The following NCKAP1 variants were observed in gnomAD, a reference collection of about 807,000 sequenced individuals.
NCKAP1 encodes NCK associated protein 1, also known as nck-associated protein 1.
NCKAP1 carries 21 observed loss-of-function variants against 151.2 expected under a neutral mutation model. The observed-to-expected ratio is 0.14, with a 90% CI of 0.10 to 0.20. NCKAP1 has a LOEUF of 0.20. NCKAP1 is among the 10% of genes least tolerant of loss of function. The pLI, the probability that NCKAP1 is intolerant of heterozygous loss-of-function variation, is 1.00. For missense variants in NCKAP1, 933 were observed against 1,352.1 expected (o/e 0.69, Z 4.86); for synonymous variants, 484 against 451.8 (o/e 1.07, Z -0.90).
intron 24 of NCKAP1, among the ~76,000 whole-genome samples, chr2:182,941,758 C>T (rs1163480494): frequency 6.6e-6 from 1 of 152,060 alleles, no homozygotes; most frequent in Non-Finnish European, 1.5e-5. Flanking sequence ...GAAGCTAATC[C>T]TTTTAGTCTA....
intron 4 of NCKAP1, among the ~76,000 whole-genome samples, chr2:183,002,661 TA>T (rs1698396094): frequency 6.6e-6 from 1 of 151,730 alleles, no homozygotes; most frequent in African/African-American, 2.4e-5. Context: ...ATTATCATAC[TA>T]AGAAAGAGTC....
At chr2:183,005,704 T>C (rs1318399311) in intron 2 of NCKAP1, among the ~76,000 whole-genome samples, 2 of 152,124 alleles carry the variant, frequency 1.3e-5, no homozygotes, top group African/African-American at 4.8e-5. Flanking sequence ...CTCCACAATC[T>C]GGCCCTAACT....
rs1250050601 is a variant in NCKAP1 at position 182,916,807 on chromosome 2, G to A, written c.*8895C>T. On this transcript the variant is annotated 3_prime_UTR_variant, in exon 31 of 31. Transcript: ENST00000361354. ...AAAAATATAGTATAACATACATATA[G>A]TATAGAGCAGTCTTAAAATTAATTT... 1 of 152,146 alleles carries A rather than the reference G, an allele frequency of 6.6e-6. No individual in the cohort carries two copies. Among genetic ancestry groups the A allele is most frequent in the Non-Finnish European group, 1.5e-5 (1 of 68,022 alleles). 9.4% of individuals were successfully genotyped at this position (152,146 alleles called of 1,614,324 possible).
At chr2:182,990,795 T>C (rs760502064) in intron 8 of NCKAP1, among the ~76,000 whole-genome samples, 7 of 152,218 alleles carry the variant, frequency 4.6e-5, no homozygotes, top group Non-Finnish European at 8.8e-5. Context: ...TTTTGATTCT[T>C]AGCTCAAGCT....
At chr2:182,962,540 A>G (rs773602797) in intron 17 of NCKAP1, among the ~76,000 whole-genome samples, 1 of 152,128 alleles carries the variant, frequency 6.6e-6, no homozygotes, top group Non-Finnish European at 1.5e-5. Context: ...GCTTAACATG[A>G]AAAACTATGT....
chr2:183,004,596 T>C (rs1287317247), intron 2 of NCKAP1, among the ~76,000 whole-genome samples: 5 of 151,212 alleles, frequency 3.3e-5, no homozygotes, highest in African/African-American at 1.2e-4. Flanking sequence ...AAGAAGTAAT[T>C]CTATCTAGAA....
intron 8 of NCKAP1, among the ~76,000 whole-genome samples, chr2:182,993,349 C>T (rs1698204662): frequency 6.6e-6 from 1 of 152,090 alleles, no homozygotes; most frequent in African/African-American, 2.4e-5. Flanking sequence ...TGCAGAACCC[C>T]AGGATATAAA....
chr2:182,933,997 T>C (rs1696818434), intron 26 of NCKAP1, among the ~76,000 whole-genome samples: 1 of 152,186 alleles, frequency 6.6e-6, no homozygotes, highest in Non-Finnish European at 1.5e-5. Flanking sequence ...CTGTTTTATA[T>C]ATATATTACA....
At chr2:182,965,556 A>G (rs1697552986) in intron 16 of NCKAP1, among the ~76,000 whole-genome samples, 2 of 152,318 alleles carry the variant, frequency 1.3e-5, no homozygotes, top group Middle Eastern at 3.4e-3. Context: ...ATGTGAGTCA[A>G]TAAAACACTA....
chr2:182,993,890 A>G (rs1698216944), intron 8 of NCKAP1, among the ~76,000 whole-genome samples: 1 of 152,226 alleles, frequency 6.6e-6, no homozygotes, highest in Non-Finnish European at 1.5e-5. Context: ...AAGCTGATAA[A>G]CAAACAGCTT....
rs535919452 is a variant in NCKAP1, at chr2:182,966,327, C to G, written c.1628+889G>C. 2.6e-5 allele frequency among the ~76,000 whole-genome samples: 4 copies of G among 152,134 alleles called. No individual in the cohort carries two copies. The South Asian group carries it at 6.3e-4, about 24-fold the overall frequency. ...TTATGAGACAGTCTCACTCTGTCAC[C>G]GAGACTGGAGTGCAGTGGCGTGATC... is the stretch of plus-strand genomic sequence containing the variant. On this transcript the variant is annotated intron_variant, in intron 16 of 30. Transcript: ENST00000361354.
At chr2:182,936,125 G>C (rs1193747277) in intron 24 of NCKAP1, among the ~76,000 whole-genome samples, 1 of 151,996 alleles carries the variant, frequency 6.6e-6, no homozygotes, top group African/African-American at 2.4e-5. Flanking sequence ...CGGGTGTGGG[G>C]GCATGAGCCT....
chr2:182,962,419 G>A (rs1158728972), intron 17 of NCKAP1, 141 bp from the exon 18 acceptor site: 15 of 717,852 alleles, frequency 2.1e-5, no homozygotes, highest in Non-Finnish European at 3.2e-5. Context: ...AATTGCTTTT[G>A]CCTCTTGTAA....
intron 27 of NCKAP1, among the ~76,000 whole-genome samples, chr2:182,929,159 T>G (rs1379352518): frequency 6.6e-6 from 1 of 151,974 alleles, no homozygotes; most frequent in Non-Finnish European, 1.5e-5. Flanking sequence ...TAAGGTAAGA[T>G]TTTATTTTTT....
chr2:183,036,575 T>C (rs1699106060), intron 1 of NCKAP1, among the ~76,000 whole-genome samples: 1 of 152,142 alleles, frequency 6.6e-6, no homozygotes, highest in Non-Finnish European at 1.5e-5. Flanking sequence ...GAGGGGCTTC[T>C]TTGTCATGAC....
At chr2:183,009,475 G>GAAGCAAGC (rs1199446455) in intron 2 of NCKAP1, among the ~76,000 whole-genome samples, 4,006 of 99,968 alleles carry the variant, frequency 0.04, 207 homozygotes, top group African/African-American at 0.061. Flanking sequence ...AGGAAGGAAG[G>GAAGCAAGC]AAGCAAGCAA....
Position 182,917,485 on chromosome 2 carries a change from A to G in NCKAP1, c.*8217T>C, listed in dbSNP as rs1696486680. 1.3e-5 allele frequency: 2 copies of G among 152,262 alleles called. No individual in the cohort carries two copies. Among genetic ancestry groups the G allele is most frequent in the Admixed American group, 1.3e-4 (2 of 15,292 alleles). 9.4% of individuals were successfully genotyped at this position (152,262 alleles called of 1,614,324 possible). ...ACCAGATAATCTCTAAGGCTCTTCC[A>G]GCTACAAATGACTAAAATGCTCCAT... is the stretch of plus-strand genomic sequence containing the variant. On this transcript the variant is annotated 3_prime_UTR_variant, in exon 31 of 31. Coordinates refer to ENST00000361354, the MANE Select transcript of NCKAP1 (RefSeq NM_013436.5).
At chr2:182,984,905 A>G (rs1199528036) in intron 10 of NCKAP1, among the ~76,000 whole-genome samples, 1 of 152,194 alleles carries the variant, frequency 6.6e-6, no homozygotes, top group East Asian at 1.9e-4. Context: ...TAATAAACAG[A>G]AGGAGGAAAA....
chr2:182,917,883 C>T lies in NCKAP1; in HGVS notation c.*7819G>A, dbSNP rs1373212629. On this transcript the variant is annotated 3_prime_UTR_variant, in exon 31 of 31. Coordinates refer to ENST00000361354, the MANE Select transcript of NCKAP1 (RefSeq NM_013436.5). Reference sequence around the variant, plus strand: ...TACTAGAGATTAATCTGAGCAGGATCAGAGAGAAAAAGTGAAGAAGCAAAG... The same window carrying T: ...TACTAGAGATTAATCTGAGCAGGATTAGAGAGAAAAAGTGAAGAAGCAAAG... 6.6e-6 allele frequency: 1 copy of T among 152,028 alleles called. No individual in the cohort carries two copies. The highest frequency in any genetic ancestry group is 2.4e-5 in the African/African-American group (1 of 41,386). 9.4% of individuals were successfully genotyped at this position (152,028 alleles called of 1,614,324 possible).
Sources: gnomAD v4.1 joint callset for allele counts (sites outside exome capture counted in the v4.1 genomes callset) on GRCh38, gnomAD v4.1.1 for gene constraint, MANE v1.5 for transcripts, NCBI Gene and HGNC (gene_info 2026-07-23, HGNC 2026-07-21) for gene names.